The following POPDC1 variants were observed in gnomAD, a reference collection of about 807,000 sequenced individuals.
POPDC1 encodes popeye domain cAMP effector 1.
chr6:105,129,418 G>A, the POPDC1 span: 1 of 1,612,336 alleles, frequency 6.2e-7, no homozygotes. Flanking sequence ...GATGCAAAAT[G>A]TTGACACCCA....
the POPDC1 span, among the ~76,000 whole-genome samples, chr6:105,135,367 G>C: frequency 6.6e-6 from 1 of 152,122 alleles, no homozygotes; most frequent in Non-Finnish European, 1.5e-5. Context: ...AAGCCACCAG[G>C]GTGCTACATA....
At chr6:105,097,292 C>T in the POPDC1 span, 1 of 152,214 alleles carries the variant, frequency 6.6e-6, no homozygotes. Context: ...GTTAGGAAAC[C>T]AGGATTGGAA....
the POPDC1 span, chr6:105,098,332 GGT>G: frequency 6.6e-6 from 1 of 152,162 alleles, no homozygotes; most frequent in Non-Finnish European, 1.5e-5. Context: ...CTTCCTTAGA[GGT>G]GTGTGTTTAA....
the POPDC1 span, among the ~76,000 whole-genome samples, chr6:105,121,193 T>TTGCAAACA: frequency 6.6e-6 from 1 of 152,090 alleles, no homozygotes; most frequent in Non-Finnish European, 1.5e-5. Flanking sequence ...AAAGAAAAGC[T>TTGCAAACA]TGCAAACAGT....
chr6:105,105,923 CTT>C, the POPDC1 span, among the ~76,000 whole-genome samples: 1 of 152,146 alleles, frequency 6.6e-6, no homozygotes, highest in Admixed American at 6.5e-5. Flanking sequence ...GAATGCTTTA[CTT>C]TTCATTTATT....
the POPDC1 span, among the ~76,000 whole-genome samples, chr6:105,118,309 A>G: frequency 2.6e-5 from 4 of 152,206 alleles, no homozygotes; most frequent in Non-Finnish European, 5.9e-5. Context: ...ATTGCTGGCA[A>G]ATTAAGAATG....
At chr6:105,101,557 G>T in the POPDC1 span, among the ~76,000 whole-genome samples, 2 of 152,296 alleles carry the variant, frequency 1.3e-5, no homozygotes, top group Admixed American at 6.5e-5. Flanking sequence ...ATACATGGGG[G>T]CTTGAGTCTC....
the POPDC1 span, among the ~76,000 whole-genome samples, chr6:105,123,364 A>G: frequency 6.6e-6 from 1 of 152,310 alleles, no homozygotes; most frequent in South Asian, 2.1e-4. Context: ...AGAAAGAATC[A>G]GAACAGTGTC....
chr6:105,129,908 T>A, the POPDC1 span, among the ~76,000 whole-genome samples: 2 of 152,190 alleles, frequency 1.3e-5, no homozygotes, highest in South Asian at 4.1e-4. Flanking sequence ...CCACAGAAAG[T>A]GAATCCATGG....
At chr6:105,112,087 T>C in the POPDC1 span, among the ~76,000 whole-genome samples, 2 of 152,294 alleles carry the variant, frequency 1.3e-5, no homozygotes, top group South Asian at 4.1e-4. Flanking sequence ...TGGTATCACC[T>C]GGGCACTGGT....
At chr6:105,125,556 C>T in the POPDC1 span, 1 of 1,614,012 alleles carries the variant, frequency 6.2e-7, no homozygotes, top group Non-Finnish European at 8.5e-7. Context: ...GTACATGCCA[C>T]TGAGTTCCTT....
At chr6:105,122,818 G>A in the POPDC1 span, among the ~76,000 whole-genome samples, 1 of 152,226 alleles carries the variant, frequency 6.6e-6, no homozygotes, top group East Asian at 1.9e-4. Context: ...AGGTGAGAGT[G>A]TAAAGACAGG....
At chr6:105,126,764 C>A in the POPDC1 span, among the ~76,000 whole-genome samples, 1 of 152,132 alleles carries the variant, frequency 6.6e-6, no homozygotes, top group Admixed American at 6.5e-5. Flanking sequence ...TTACTTAATG[C>A]ACCAATATAG....
the POPDC1 span, among the ~76,000 whole-genome samples, chr6:105,132,218 G>A: frequency 2.0e-5 from 3 of 152,026 alleles, no homozygotes; most frequent in Non-Finnish European, 4.4e-5. Context: ...CACCCACCTC[G>A]GCCTACCACA....
chr6:105,098,745 A>G, the POPDC1 span: 1 of 152,258 alleles, frequency 6.6e-6, no homozygotes, highest in Admixed American at 6.5e-5. Context: ...AGAGCGCACG[A>G]GAGAGTTCAA....
the POPDC1 span, among the ~76,000 whole-genome samples, chr6:105,109,417 G>A: frequency 2.6e-5 from 4 of 152,026 alleles, no homozygotes; most frequent in African/African-American, 7.2e-5. Context: ...AGCTATCTAC[G>A]TAGGTCAGTA....
At chr6:105,100,415 C>A in the POPDC1 span, 1 of 151,542 alleles carries the variant, frequency 6.6e-6, no homozygotes, top group African/African-American at 2.4e-5. Flanking sequence ...GAGGCTGAGG[C>A]AGGAGAGTGG....
the POPDC1 span, among the ~76,000 whole-genome samples, chr6:105,115,289 C>T: frequency 1.2e-4 from 18 of 152,152 alleles, no homozygotes; most frequent in Admixed American, 4.6e-4. Context: ...GGGGTTTCAC[C>T]GTATTAGTCA....
the POPDC1 span, among the ~76,000 whole-genome samples, chr6:105,103,342 T>C: frequency 6.6e-6 from 1 of 152,198 alleles, no homozygotes. Context: ...ATGGACTTAA[T>C]AATGAGAAAA....
Sources: allele counts gnomAD v4.1 joint callset (sites outside exome capture counted in the v4.1 genomes callset), GRCh38; gene constraint gnomAD v4.1.1; transcripts MANE v1.5; gene names NCBI Gene and HGNC (gene_info 2026-07-23, HGNC 2026-07-21).